Variants in AAK1 observed in about 807,000 individuals in gnomAD.
The protein encoded by AAK1 is AP2 associated kinase 1.
Under a neutral mutation model 116.0 loss-of-function variants are expected in AAK1, and 37 were observed. The ratio of observed to expected loss-of-function variants is 0.32; its 90% confidence interval spans 0.25 to 0.42. AAK1 has a LOEUF of 0.42. Ranked by LOEUF, AAK1 falls within the 10% of genes least tolerant of loss-of-function variation. AAK1 has a pLI of 1.00. For synonymous variants in AAK1, 458 were observed against 439.9 expected, an observed-to-expected ratio of 1.04 and a Z score of -0.51; for missense variants, 919 against 1,170.6, an observed-to-expected ratio of 0.79 and a Z score of 3.14.
intron 14 of AAK1, among the ~76,000 whole-genome samples, chr2:69,508,753 G>A (rs1047973837): frequency 6.6e-6 from 1 of 152,238 alleles, no homozygotes; most frequent in African/African-American, 2.4e-5. Flanking sequence ...GAGGAGCATA[G>A]CAGTCCCAGG....
At chr2:69,631,311 A>T (rs541072929) in intron 2 of AAK1, among the ~76,000 whole-genome samples, 258 of 152,352 alleles carry the variant, frequency 1.7e-3, no homozygotes, top group African/African-American at 6.1e-3. Flanking sequence ...CAAACAAATT[A>T]TGTGGCATTA....
At position 69,461,415 on chromosome 2, in the gene AAK1, AC is replaced by A. The variant is rs1285750778; in HGVS notation, c.*14453del. The stretch of plus-strand genomic sequence containing the variant: ...TTTTTTTTCTCTTTAAGGAAATAAG[AC>A]CCTACTGTAATACAAGTCGGCAGAA... On this transcript the variant is annotated 3_prime_UTR_variant, in exon 22 of 22. Coordinates refer to ENST00000409085, the MANE Select transcript of AAK1 (RefSeq NM_014911.5). 4.3e-6 allele frequency: 1 copy of A among 231,518 alleles called. No individual in the cohort carries two copies. Among genetic ancestry groups the A allele is most frequent in the Non-Finnish European group, 8.7e-6 (1 of 114,620 alleles). The allele number at this position is 231,518 out of a possible 1,614,324, so 14.3% of individuals were successfully genotyped here.
At chr2:69,522,099 G>A (rs529237941) in intron 10 of AAK1, among the ~76,000 whole-genome samples, 1 of 152,314 alleles carries the variant, frequency 6.6e-6, no homozygotes, top group African/African-American at 2.4e-5. Flanking sequence ...AGAAGCCCAG[G>A]TGCTAACTTC....
At chr2:69,480,454 T>C (rs1426927310) in intron 19 of AAK1, among the ~76,000 whole-genome samples, 2 of 152,014 alleles carry the variant, frequency 1.3e-5, no homozygotes, top group Non-Finnish European at 2.9e-5. Flanking sequence ...CATCAATATA[T>C]AGAAGATGAG....
In AAK1 at chr2:69,642,864, G is replaced by A. The variant is rs1284204932; in HGVS notation, c.163+14C>T. 2.5e-6 allele frequency: 4 copies of A among 1,613,528 alleles called. No individual in the cohort carries two copies. The highest frequency in any genetic ancestry group is 2.2e-5 in the South Asian group (2 of 91,080). ...ACAAGATTTTAATTTACGGCGCATT[G>A]AGCCCCACCGTACCTTCCGCCAACA... On this transcript the variant is annotated intron_variant, in intron 2 of 21. Transcript: ENST00000409085.
At chr2:69,610,190 G>A (rs1674017418) in intron 2 of AAK1, among the ~76,000 whole-genome samples, 1 of 151,818 alleles carries the variant, frequency 6.6e-6, no homozygotes, top group Non-Finnish European at 1.5e-5. Context: ...AGAGATCCCA[G>A]AAATAAACCC....
At chr2:69,641,332 C>T (rs1675714451) in intron 2 of AAK1, among the ~76,000 whole-genome samples, 1 of 152,108 alleles carries the variant, frequency 6.6e-6, no homozygotes, top group Non-Finnish European at 1.5e-5. Context: ...ACTGTTTCTC[C>T]ACCCCACTGC....
intron 2 of AAK1, among the ~76,000 whole-genome samples, chr2:69,612,693 T>A (rs2312215): frequency 0.26 from 39,202 of 152,072 alleles, 5,625 homozygotes; most frequent in East Asian, 0.54. Flanking sequence ...ACCAAGGAAG[T>A]CTCAGTGTTG....
chr2:69,507,509 C>T lies in AAK1; in HGVS notation c.2076G>A (p.Gly692=), dbSNP rs888842895. ...SQQNVYNPSE[G]STWNPFDDDN... The stretch of plus-strand genomic sequence containing the variant: ...CGTCATCAAAGGGATTCCACGTAGA[C>T]CCTTCTGAAGGATTATAAACGTTTT... Residue 692 remains glycine (G), a synonymous_variant, in exon 15 of 22, where the codon GGG becomes GGA. Transcript: ENST00000409085. 3 of 1,612,600 alleles carry T rather than the reference C, an allele frequency of 1.9e-6. No homozygotes were observed. The highest frequency in any genetic ancestry group is 2.5e-6 in the Non-Finnish European group (3 of 1,179,320).
chr2:69,510,126 T>C (rs1359584621), intron 13 of AAK1, among the ~76,000 whole-genome samples: 3 of 152,188 alleles, frequency 2.0e-5, no homozygotes. Flanking sequence ...GGGTTTGTTG[T>C]ACAGATTATT....
In AAK1 at chr2:69,591,517, C is replaced by CTTTTT. The variant is rs200675453; in HGVS notation, c.164-34544_164-34540dup. Among the ~76,000 whole-genome samples, 15 of 135,086 alleles carry CTTTTT rather than the reference C, an allele frequency of 1.1e-4. 1 individual carries two copies. Among genetic ancestry groups the CTTTTT allele is most frequent in the African/African-American group, 3.3e-4 (12 of 36,680 alleles). The allele number at this position is 135,086 out of a possible 152,430, so 88.6% of individuals were successfully genotyped here. On this transcript the variant is annotated intron_variant, in intron 2 of 21. Transcript: ENST00000409085. ...TTCTATAATTTTTTTTTCTTTTTTT[C>CTTTTT]TTTTTCTTTTTTTTTTTTTTTGAGA...
intron 2 of AAK1, among the ~76,000 whole-genome samples, chr2:69,615,770 C>T (rs1223793764): frequency 6.6e-6 from 1 of 152,188 alleles, no homozygotes; most frequent in Admixed American, 6.5e-5. Context: ...CAATGTCTGC[C>T]TTCCCCACTA....
chr2:69,616,579 TGG>T (rs2105228059), intron 2 of AAK1, among the ~76,000 whole-genome samples: 1 of 152,304 alleles, frequency 6.6e-6, no homozygotes, highest in South Asian at 2.1e-4. Context: ...TTCCCTGTTA[TGG>T]GGGCCATCCC....
chr2:69,610,907 T>C (rs1159678101), intron 2 of AAK1, among the ~76,000 whole-genome samples: 2 of 152,234 alleles, frequency 1.3e-5, no homozygotes, highest in African/African-American at 4.8e-5. Context: ...TTGGAACTCT[T>C]ATGGATTGCT....
intron 2 of AAK1, among the ~76,000 whole-genome samples, chr2:69,573,133 G>C (rs540435281): frequency 1.2e-4 from 18 of 152,158 alleles, no homozygotes; most frequent in Non-Finnish European, 2.6e-4. Flanking sequence ...AGGCAAAACA[G>C]AACAGAGACA....
chr2:69,465,381 G>A lies in AAK1; in HGVS notation c.*10488C>T. ...AGCTGGGAGTGCCATGGCGGGTATTGAGGGTGGGATAGAGACAAGAGGCTT... is the reference window on the plus strand; with the variant it reads ...AGCTGGGAGTGCCATGGCGGGTATTAAGGGTGGGATAGAGACAAGAGGCTT... On this transcript the variant is annotated 3_prime_UTR_variant, in exon 22 of 22. Coordinates refer to ENST00000409085, the MANE Select transcript of AAK1 (RefSeq NM_014911.5). 8.1e-7 allele frequency: 1 copy of A among 1,227,874 alleles called. No homozygotes were observed. The highest frequency in any genetic ancestry group is 1.0e-6 in the Non-Finnish European group (1 of 957,504). The allele number at this position is 1,227,874 out of a possible 1,614,324, so 76.1% of individuals were successfully genotyped here.
chr2:69,578,587 T>C (rs1672410508), intron 2 of AAK1, among the ~76,000 whole-genome samples: 1 of 151,982 alleles, frequency 6.6e-6, no homozygotes, highest in African/African-American at 2.4e-5. Flanking sequence ...CTACCAACAC[T>C]CTGAAGTCCT....
At chr2:69,623,327 C>T (rs1478476778) in intron 2 of AAK1, among the ~76,000 whole-genome samples, 2 of 152,224 alleles carry the variant, frequency 1.3e-5, no homozygotes, top group African/African-American at 2.4e-5. Flanking sequence ...ATTCTGGACA[C>T]ATTACGACTG....
chr2:69,595,036 C>T (rs1673205707), intron 2 of AAK1: 5 of 741,456 alleles, frequency 6.7e-6, no homozygotes, highest in South Asian at 2.7e-5. Flanking sequence ...ACAAGTCCAG[C>T]GGGTTTTAGG....
Sources: gnomAD v4.1 joint callset for allele counts (sites outside exome capture counted in the v4.1 genomes callset) on GRCh38, gnomAD v4.1.1 for gene constraint, MANE v1.5 for transcripts, NCBI Gene and HGNC (gene_info 2026-07-23, HGNC 2026-07-21) for gene names.